ZNF547: variants seen among roughly 807,000 people sequenced by gnomAD.
The protein encoded by ZNF547 is zinc finger protein 547.
A neutral mutation model predicts 7.7 loss-of-function variants in ZNF547; 4 were observed. The observed-to-expected ratio is 0.52, with a 90% CI of 0.26 to 1.20. ZNF547 has a LOEUF of 1.20. Ranked by LOEUF, ZNF547 falls within the 50% of genes most tolerant of loss-of-function variation. The probability of loss-of-function intolerance (pLI) is 0.14; values close to 1 mark genes in which losing one functional copy is unlikely to be tolerated. For missense variants in ZNF547, 449 were observed against 485.8 expected (o/e 0.92, Z 0.71); for synonymous variants, 166 against 166.2 (o/e 1.00, Z 0.01).
intron 2 of ZNF547, chr19:57,370,958 T>TG (rs979655034): frequency 1.9e-5 from 1 of 52,346 alleles, no homozygotes; most frequent in Non-Finnish European, 4.4e-5. Context: ...GGGTTTTTTG[T>TG]TTTTTTTTTT....
At chr19:57,364,545 A>G (rs2088448649) in intron 1 of ZNF547, 2 of 461,384 alleles carry the variant, frequency 4.3e-6, no homozygotes, top group African/African-American at 3.9e-5. Context: ...GTTCAAGACC[A>G]GCCTGACCAA....
chr19:57,375,359 C>T (rs960961311), intron 3 of ZNF547, among the ~76,000 whole-genome samples: 16 of 150,356 alleles, frequency 1.1e-4, no homozygotes, highest in Admixed American at 3.3e-4. Flanking sequence ...CAAAGAGATA[C>T]GCGATACTTG....
chr19:57,377,637 TTTC>T lies in ZNF547; in HGVS notation c.664_666del (p.Leu222del). The T allele has an allele frequency of 6.2e-7, 1 of 1,613,902 alleles. No homozygotes were observed. The highest frequency in any genetic ancestry group is 8.5e-7 in the Non-Finnish European group (1 of 1,179,942). On this transcript the variant is annotated inframe_deletion, in exon 4 of 4. Coordinates refer to ENST00000282282, the MANE Select transcript of ZNF547 (RefSeq NM_173631.4). ...TGAGTGCAATGAATGTGGGAAAGCC[TTTC>T]TTTGTAAGTCTCACCTTGTTCGTCA... is the stretch of plus-strand genomic sequence containing the variant.
At chr19:57,364,443 T>TCGGTGGTCGCCGGA in intron 1 of ZNF547, 1 of 206,438 alleles carries the variant, frequency 4.8e-6, no homozygotes, top group South Asian at 8.0e-5. Flanking sequence ...GTGTAGATTC[T>TCGGTGGTCGCCGGA]TCAAAAGAAT....
chr19:57,370,886 G>A (rs2088500278), intron 2 of ZNF547: 1 of 152,216 alleles, frequency 6.6e-6, no homozygotes, highest in Non-Finnish European at 1.5e-5. Context: ...GGAAGGAAAG[G>A]AGGTGTAGGG....
At chr19:57,364,490 C>T in intron 1 of ZNF547, 1 of 361,916 alleles carries the variant, frequency 2.8e-6, no homozygotes, top group South Asian at 2.7e-5. Context: ...CGCCGGTAAT[C>T]CCAGCACTTT....
Position 57,378,414 on chromosome 19 carries a change from G to C in ZNF547, c.*229G>C, listed in dbSNP as rs1194814372. ...CTCTCATCTCATTAGACATTGGAGA[G>C]TTTACACTGAAGAAGAGTCTTTTCA... On this transcript the variant is annotated 3_prime_UTR_variant, in exon 4 of 4. Coordinates refer to ENST00000282282, the MANE Select transcript of ZNF547 (RefSeq NM_173631.4). 8.6e-6 allele frequency: 6 copies of C among 699,486 alleles called. No individual in the cohort carries two copies. The African/African-American group carries it at 1.0e-4, about 12-fold the overall frequency. The allele number at this position is 699,486 out of a possible 1,614,324, so 43.3% of individuals were successfully genotyped here. A position where few individuals can be genotyped will look rare whatever the true frequency, so the allele number is the denominator to read the frequency against.
At chr19:57,372,791 A>G (rs1389103583) in intron 3 of ZNF547, among the ~76,000 whole-genome samples, 11 of 152,230 alleles carry the variant, frequency 7.2e-5, no homozygotes, top group Admixed American at 7.2e-4. Flanking sequence ...TGTATTTGTC[A>G]GTAGTCCCTG....
chr19:57,377,443 T>C lies in ZNF547; in HGVS notation c.467T>C (p.Phe156Ser), dbSNP rs1261167453. ...AGAGTTCACATGGCAGGGAAGACCT[T>C]CTTGTGCAGTGAATGTGGGAAAGCC... is the stretch of plus-strand genomic sequence containing the variant. ...NHRVHMAGKT[F>S]LCSECGKAFS... The change falls in exon 4 of 4, where the codon TTC becomes TCC. Residue 156 changes from phenylalanine to serine, a missense_variant. Phe to Ser is a radical substitution (Grantham distance 155). Coordinates refer to ENST00000282282, the MANE Select transcript of ZNF547 (RefSeq NM_173631.4). 6.2e-7 allele frequency: 1 copy of C among 1,614,094 alleles called. No individual in the cohort carries two copies. The highest frequency in any genetic ancestry group is 8.5e-7 in the Non-Finnish European group (1 of 1,180,036).
chr19:57,366,724 C>G (rs1425189146), intron 1 of ZNF547, among the ~76,000 whole-genome samples: 3 of 151,972 alleles, frequency 2.0e-5, no homozygotes, highest in Non-Finnish European at 4.4e-5. Context: ...ATAGGTTGAT[C>G]TTATAACAAT....
chr19:57,374,108 C>T (rs1177554710), intron 3 of ZNF547, among the ~76,000 whole-genome samples: 1 of 152,242 alleles, frequency 6.6e-6, no homozygotes, highest in Non-Finnish European at 1.5e-5. Context: ...GGACATCAGG[C>T]ATTTCCATAC....
chr19:57,373,442 C>A lies in ZNF547; in HGVS notation c.151+1534C>A, dbSNP rs147351321. The stretch of plus-strand genomic sequence containing the variant: ...CATATTATTCCACCCCGGCCCCCCC[C>A]ACCCAATTTTATGTCCCTTCCACAT... On this transcript the variant is annotated intron_variant, in intron 3 of 3. Coordinates refer to ENST00000282282, the MANE Select transcript of ZNF547 (RefSeq NM_173631.4). 2.3e-4 allele frequency among the ~76,000 whole-genome samples: 35 copies of A among 151,616 alleles called. No individual in the cohort carries two copies. In the East Asian group the frequency reaches 5.1e-3, roughly 22 times the overall value.
rs1402716833 is a variant in ZNF547, at chr19:57,378,458, A to G, written c.*273A>G. ...CTTTTCAATAAAGTAGAAAGTGGTAAAGATTCAACATGCAAGATTGTACTT... is the reference window on the plus strand; with the variant it reads ...CTTTTCAATAAAGTAGAAAGTGGTAGAGATTCAACATGCAAGATTGTACTT... On this transcript the variant is annotated 3_prime_UTR_variant, in exon 4 of 4. Transcript: ENST00000282282. 1.6e-6 allele frequency: 1 copy of G among 615,716 alleles called. No homozygotes were observed. The highest frequency in any genetic ancestry group is 1.8e-5 in the African/African-American group (1 of 56,064). The allele number at this position is 615,716 out of a possible 1,614,324, so 38.1% of individuals were successfully genotyped here.
chr19:57,378,121 A>G lies in ZNF547; in HGVS notation c.1145A>G (p.Glu382Gly). ...TVHTAAKQCS[E>G]CGKFFRYNST... is the part of the protein sequence containing the mutation. ...CACACTGCAGCAAAGCAGTGCAGTG[A>G]ATGTGGGAAATTCTTTAGGTATAAC... The change falls in exon 4 of 4, where the codon GAA becomes GGA. Residue 382 changes from glutamate to glycine, a missense_variant. By Grantham distance (98) the Glu-to-Gly change is moderately conservative. Transcript: ENST00000282282. 6.2e-6 allele frequency: 10 copies of G among 1,613,872 alleles called. No homozygotes were observed. Among genetic ancestry groups the G allele is most frequent in the Non-Finnish European group, 8.5e-6 (10 of 1,179,728 alleles).
intron 3 of ZNF547, among the ~76,000 whole-genome samples, chr19:57,372,308 G>A (rs185616667): frequency 6.6e-6 from 1 of 152,316 alleles, no homozygotes; most frequent in African/African-American, 2.4e-5. Flanking sequence ...TGGCTTGATT[G>A]TGTAGGATGT....
chr19:57,378,228 C>T lies in ZNF547; in HGVS notation c.*43C>T, dbSNP rs748611356. 3.9e-6 allele frequency: 6 copies of T among 1,541,682 alleles called. No individual in the cohort carries two copies. Among genetic ancestry groups the T allele is most frequent in the Non-Finnish European group, 5.3e-6 (6 of 1,133,232 alleles). On this transcript the variant is annotated 3_prime_UTR_variant, in exon 4 of 4. Transcript: ENST00000282282. ...TGGATATGGGAAAGCCTTCAGTCAC[C>T]AACATATTGTGGCTGGACAGCAGGC...
Position 57,370,722 on chromosome 19 carries a change from C to G in ZNF547, c.25-1060C>G, listed in dbSNP as rs150661830. On this transcript the variant is annotated intron_variant, in intron 2 of 3. Transcript: ENST00000282282. ...AACTGGCTGGCAGGAGAGGATGGATCCCCCCACGGGAGGCCCACATTCCTT... is the reference window on the plus strand; with the variant it reads ...AACTGGCTGGCAGGAGAGGATGGATGCCCCCACGGGAGGCCCACATTCCTT... Among the ~76,000 whole-genome samples, 1,278 of 152,248 alleles carry G rather than the reference C, an allele frequency of 8.4e-3. 17 individuals are homozygous for G. Among genetic ancestry groups the G allele is most frequent in the African/African-American group, 0.028 (1,167 of 41,538 alleles).
intron 3 of ZNF547, 122 bp downstream of exon 3, chr19:57,372,030 C>T: frequency 7.0e-7 from 1 of 1,419,188 alleles, no homozygotes. Context: ...TGTTTCCTGA[C>T]ATATGTTCCA....
In ZNF547 at chr19:57,371,799, A is replaced by G. The variant is rs2123017551; in HGVS notation, c.42A>G (p.Glu14=). The change falls in exon 3 of 4, where the codon GAA becomes GAG. Residue 14 remains glutamate (E), a synonymous_variant. Transcript: ENST00000282282. ...TTTGGCAGGGTCATGTGGTTTTTGA[A>G]GACGTGGCCATATATTTCTCCCAGG... ...MNPAQGHVVF[E]DVAIYFSQEE... The G allele has an allele frequency of 1.2e-6, 2 of 1,612,160 alleles. No individual in the cohort carries two copies. The highest frequency in any genetic ancestry group is 1.3e-5 in the African/African-American group (1 of 74,886).
Sources: gnomAD v4.1 joint callset for allele counts (sites outside exome capture counted in the v4.1 genomes callset) on GRCh38, gnomAD v4.1.1 for gene constraint, MANE v1.5 for transcripts, NCBI Gene and HGNC (gene_info 2026-07-23, HGNC 2026-07-21) for gene names.